The following HHAT variants were observed in gnomAD, a reference collection of about 807,000 sequenced individuals.
HHAT encodes hedgehog acyltransferase, also known as protein-cysteine N-palmitoyltransferase HHAT.
Under a neutral mutation model 70.8 loss-of-function variants are expected in HHAT, and 47 were observed. The ratio of observed to expected loss-of-function variants is 0.66; its 90% confidence interval spans 0.53 to 0.85. The LOEUF is 0.85. Among genes scored for constraint, HHAT ranks in the 40% least tolerant of loss-of-function variants. The pLI, the probability that HHAT is intolerant of heterozygous loss-of-function variation, is 0.00. For synonymous variants in HHAT, 228 were observed against 247.6 expected, an observed-to-expected ratio of 0.92 and a Z score of 0.74; for missense variants, 609 against 604.8, an observed-to-expected ratio of 1.01 and a Z score of -0.07.
At chr1:210,609,758 C>A (rs146146533) in intron 10 of HHAT, among the ~76,000 whole-genome samples, 14 of 152,098 alleles carry the variant, frequency 9.2e-5, no homozygotes, top group African/African-American at 2.9e-4. Context: ...TGAGAACATG[C>A]GGTGCTTGGT....
At chr1:210,373,436 G>C (rs576788208) in intron 3 of HHAT, among the ~76,000 whole-genome samples, 38 of 152,134 alleles carry the variant, frequency 2.5e-4, no homozygotes, top group Non-Finnish European at 5.6e-4. Flanking sequence ...TTGTTAAAAA[G>C]AAATTAAGCA....
At chr1:210,402,417 C>G (rs1052004059) in intron 5 of HHAT, among the ~76,000 whole-genome samples, 8 of 152,226 alleles carry the variant, frequency 5.3e-5, no homozygotes, top group African/African-American at 1.9e-4. Flanking sequence ...GCTTACCTTT[C>G]CCTTTACACA....
intron 4 of HHAT, among the ~76,000 whole-genome samples, chr1:210,392,145 AG>A (rs1181819254): frequency 3.9e-5 from 6 of 152,186 alleles, no homozygotes; most frequent in African/African-American, 1.4e-4. Context: ...CTGGGATTAC[AG>A]GCATGAGCTA....
chr1:210,608,709 AT>A (rs1666002006), intron 10 of HHAT, among the ~76,000 whole-genome samples: 1 of 152,170 alleles, frequency 6.6e-6, no homozygotes, highest in Non-Finnish European at 1.5e-5. Context: ...AGACAGGGTA[AT>A]TTATGAAGAA....
At chr1:210,565,286 G>A (rs1365101589) in intron 9 of HHAT, among the ~76,000 whole-genome samples, 2 of 152,218 alleles carry the variant, frequency 1.3e-5, no homozygotes, top group Admixed American at 6.5e-5. Context: ...AGTGGTAGAT[G>A]CAAGCTCTGC....
At chr1:210,363,642 C>G (rs1173817221) in intron 3 of HHAT, among the ~76,000 whole-genome samples, 8 of 152,134 alleles carry the variant, frequency 5.3e-5, no homozygotes, top group African/African-American at 1.9e-4. Context: ...TCAGCTATGA[C>G]TTGGACTGTA....
intron 9 of HHAT, among the ~76,000 whole-genome samples, chr1:210,558,794 G>A (rs1249893956): frequency 6.6e-6 from 1 of 152,178 alleles, no homozygotes; most frequent in African/African-American, 2.4e-5. Context: ...CTTGAGGCCA[G>A]GCATGCATGG....
chr1:210,391,371 GA>G (rs1294117453), intron 4 of HHAT, among the ~76,000 whole-genome samples: 3 of 151,746 alleles, frequency 2.0e-5, no homozygotes, highest in African/African-American at 4.8e-5. Context: ...CACAGACAGA[GA>G]TTTTTTTATA....
intron 6 of HHAT, among the ~76,000 whole-genome samples, chr1:210,417,746 TGCCA>T (rs921677905): frequency 3.9e-5 from 6 of 152,192 alleles, no homozygotes; most frequent in Non-Finnish European, 8.8e-5. Flanking sequence ...GACCTGCTTT[TGCCA>T]GCCTCAGACA....
chr1:210,638,453 A>G (rs911387313), intron 11 of HHAT, among the ~76,000 whole-genome samples: 1 of 152,246 alleles, frequency 6.6e-6, no homozygotes, highest in Non-Finnish European at 1.5e-5. Context: ...TTCTATTTAT[A>G]AAATGTCCAG....
intron 8 of HHAT, among the ~76,000 whole-genome samples, chr1:210,480,700 T>C (rs1277606284): frequency 6.6e-6 from 1 of 152,198 alleles, no homozygotes; most frequent in African/African-American, 2.4e-5. Flanking sequence ...TGGGTTCAGC[T>C]TCAGAGCCTG....
At chr1:210,490,927 A>G (rs547623555) in intron 8 of HHAT, among the ~76,000 whole-genome samples, 5 of 152,136 alleles carry the variant, frequency 3.3e-5, no homozygotes, top group African/African-American at 1.2e-4. Context: ...AAAATAACAC[A>G]TTGTAAGGAG....
intron 1 of HHAT, among the ~76,000 whole-genome samples, chr1:210,341,840 C>T (rs1434751021): frequency 6.6e-6 from 1 of 151,940 alleles, no homozygotes; most frequent in Non-Finnish European, 1.5e-5. Flanking sequence ...GGTGTTTGTA[C>T]CCAATTTGGA....
At chr1:210,477,581 A>G (rs146770270) in intron 8 of HHAT, among the ~76,000 whole-genome samples, 2 of 152,212 alleles carry the variant, frequency 1.3e-5, no homozygotes, top group East Asian at 1.9e-4. Context: ...GGAAAGCATC[A>G]TCAGGGGCAT....
intron 8 of HHAT, among the ~76,000 whole-genome samples, chr1:210,476,105 G>A (rs2094302625): frequency 6.6e-6 from 1 of 152,184 alleles, no homozygotes; most frequent in Non-Finnish European, 1.5e-5. Context: ...TGGGTGAATA[G>A]GTTTTTTCTT....
chr1:210,442,261 T>C (rs2093533494), intron 7 of HHAT, among the ~76,000 whole-genome samples: 1 of 132,588 alleles, frequency 7.5e-6, no homozygotes, highest in Non-Finnish European at 1.6e-5. Context: ...TGTTGGACAT[T>C]TGGGTTGGTT....
intron 5 of HHAT, among the ~76,000 whole-genome samples, chr1:210,403,316 A>G (rs1028967928): frequency 5.3e-5 from 8 of 152,212 alleles, no homozygotes; most frequent in Non-Finnish European, 8.8e-5. Flanking sequence ...ACAAGCTCAT[A>G]CCTAACCTTT....
chr1:210,581,170 ATTAT>A (rs1310001900), intron 9 of HHAT, among the ~76,000 whole-genome samples: 5 of 151,884 alleles, frequency 3.3e-5, no homozygotes, highest in Non-Finnish European at 7.4e-5. Context: ...TTTTGATGGG[ATTAT>A]TTGTTTTTTT....
intron 3 of HHAT, among the ~76,000 whole-genome samples, chr1:210,375,058 CCA>C (rs2090075155): frequency 6.6e-6 from 1 of 152,180 alleles, no homozygotes; most frequent in African/African-American, 2.4e-5. Flanking sequence ...TTAGTACAAC[CCA>C]CAGACTTTAA....
Sources: gnomAD v4.1 joint callset for allele counts (sites outside exome capture counted in the v4.1 genomes callset) on GRCh38, gnomAD v4.1.1 for gene constraint, MANE v1.5 for transcripts, NCBI Gene and HGNC (gene_info 2026-07-23, HGNC 2026-07-21) for gene names.